Variants in CNTNAP5 observed in about 807,000 individuals in gnomAD.
CNTNAP5 encodes the protein contactin associated protein family member 5.
Under a neutral mutation model 150.2 loss-of-function variants are expected in CNTNAP5, and 72 were observed. That is an observed-to-expected ratio of 0.48 (90% CI 0.40 to 0.58). The LOEUF is 0.58. CNTNAP5 is among the 20% of genes least tolerant of loss of function. CNTNAP5 has a pLI of 0.00. For synonymous variants in CNTNAP5, 672 were observed against 619.8 expected (o/e 1.08, Z -1.25); for missense variants, 1,636 against 1,626.2 (o/e 1.01, Z -0.10).
At chr2:124,466,711 G>C (rs147027010) in intron 6 of CNTNAP5, among the ~76,000 whole-genome samples, 2 of 152,310 alleles carry the variant, frequency 1.3e-5, no homozygotes, top group African/African-American at 4.8e-5. Context: ...TGTGACAACT[G>C]TAAGTTGCCA....
Position 124,438,334 on chromosome 2 carries a change from A to G in CNTNAP5, c.733+3647A>G, listed in dbSNP as rs527496708. On this transcript the variant is annotated intron_variant, in intron 5 of 23. Transcript: ENST00000682447. ...ATGGCAGTCTGCCCTCTGCCGAATT[A>G]CAATAGTCTGAACCCATTCATGCAG... is the stretch of plus-strand genomic sequence containing the variant. Among the ~76,000 whole-genome samples the G allele has an allele frequency of 1.4e-4, 21 of 152,338 alleles. No homozygotes were observed. The East Asian group carries it at 3.7e-3, about 27-fold the overall frequency.
chr2:124,880,432 C>T lies in CNTNAP5; in HGVS notation c.3436+10670C>T, dbSNP rs1470332399. On this transcript the variant is annotated intron_variant, in intron 21 of 23. Transcript: ENST00000682447. ...TAATTCCCTTAAAATCAACTGCTGC[C>T]TACTCTAATCAACTCTAATCAATCA... is the stretch of plus-strand genomic sequence containing the variant. 2.0e-5 allele frequency among the ~76,000 whole-genome samples: 3 copies of T among 152,084 alleles called. 1 individual carries two copies. Among genetic ancestry groups the T allele is most frequent in the Non-Finnish European group, 4.4e-5 (3 of 67,992 alleles).
chr2:124,822,855 G>A (rs1008327749), intron 19 of CNTNAP5, among the ~76,000 whole-genome samples: 4 of 152,152 alleles, frequency 2.6e-5, no homozygotes, highest in African/African-American at 9.7e-5. Context: ...GACCTCAGAG[G>A]ATATTGACGT....
chr2:124,338,408 A>G (rs1406605490), intron 3 of CNTNAP5, among the ~76,000 whole-genome samples: 1 of 152,108 alleles, frequency 6.6e-6, no homozygotes, highest in African/African-American at 2.4e-5. Flanking sequence ...ACTATGTTGA[A>G]TAGGAGTGGT....
intron 3 of CNTNAP5, among the ~76,000 whole-genome samples, chr2:124,255,570 A>AAAATAAAATAAAATC (rs1687290170): frequency 2.3e-5 from 2 of 85,448 alleles, no homozygotes; most frequent in African/African-American, 9.8e-5. Flanking sequence ...AAAATAAAAT[A>AAAATAAAATAAAATC]AAATAAAATA....
At chr2:124,510,004 C>A (rs1011898830) in intron 8 of CNTNAP5, among the ~76,000 whole-genome samples, 2 of 151,888 alleles carry the variant, frequency 1.3e-5, no homozygotes, top group Non-Finnish European at 2.9e-5. Context: ...GAGTTCAAGA[C>A]CAGCCTCACC....
chr2:124,499,864 GA>G (rs2104858573), intron 7 of CNTNAP5, among the ~76,000 whole-genome samples: 1 of 152,226 alleles, frequency 6.6e-6, no homozygotes, highest in East Asian at 1.9e-4. Flanking sequence ...AAATAGATTT[GA>G]AAGAGAGATT....
chr2:124,681,177 C>T (rs1383504102), intron 13 of CNTNAP5, among the ~76,000 whole-genome samples: 1 of 149,544 alleles, frequency 6.7e-6, no homozygotes, highest in Non-Finnish European at 1.5e-5. Flanking sequence ...TGGTGGGCGC[C>T]TCTAATCCCA....
chr2:124,644,607 A>G lies in CNTNAP5; in HGVS notation c.1877-3151A>G, dbSNP rs568750487. On this transcript the variant is annotated intron_variant, in intron 12 of 23. Transcript: ENST00000682447. ...TAGAAGGAAATATAAATCTATATGA[A>G]TTAGTAAATATGGAGACCAATTTTG... 2.0e-5 allele frequency among the ~76,000 whole-genome samples: 3 copies of G among 152,328 alleles called. No individual in the cohort carries two copies. In the East Asian group the frequency reaches 5.8e-4, roughly 29 times the overall value.
intron 10 of CNTNAP5, among the ~76,000 whole-genome samples, chr2:124,549,644 T>C (rs1695587238): frequency 6.6e-6 from 1 of 152,176 alleles, no homozygotes; most frequent in African/African-American, 2.4e-5. Flanking sequence ...CTGATAGAAG[T>C]TCTAGATACC....
intron 13 of CNTNAP5, among the ~76,000 whole-genome samples, chr2:124,717,361 A>T: frequency 6.6e-6 from 1 of 152,334 alleles, no homozygotes; most frequent in East Asian, 1.9e-4. Context: ...AATACTTGAG[A>T]ATTGAATGTT....
intron 1 of CNTNAP5, among the ~76,000 whole-genome samples, chr2:124,069,600 G>A (rs1234370469): frequency 2.0e-5 from 3 of 152,102 alleles, no homozygotes; most frequent in African/African-American, 4.8e-5. Context: ...GGCCATAGGA[G>A]TGCATGCATC....
chr2:124,659,165 T>C (rs906294115), intron 13 of CNTNAP5, among the ~76,000 whole-genome samples: 53 of 152,372 alleles, frequency 3.5e-4, no homozygotes, highest in African/African-American at 1.2e-3. Flanking sequence ...AATTTCACTC[T>C]TCATAACTTT....
intron 11 of CNTNAP5, among the ~76,000 whole-genome samples, chr2:124,590,694 A>C (rs1430466027): frequency 6.6e-6 from 1 of 152,180 alleles, no homozygotes; most frequent in East Asian, 1.9e-4. Context: ...TCATGTGGTA[A>C]ATATTATATT....
At chr2:124,772,614 T>C (rs1399945095) in intron 16 of CNTNAP5, among the ~76,000 whole-genome samples, 185 bp from the exon 17 acceptor site, 1 of 152,152 alleles carries the variant, frequency 6.6e-6, no homozygotes, top group Admixed American at 6.5e-5. Context: ...AAAAACAACT[T>C]GGAACAAGTA....
At chr2:124,079,700 C>T (rs1386654031) in intron 1 of CNTNAP5, among the ~76,000 whole-genome samples, 10 of 151,958 alleles carry the variant, frequency 6.6e-5, no homozygotes, top group South Asian at 4.2e-4. Flanking sequence ...TGTGTATGTG[C>T]GTGTGTATGA....
intron 3 of CNTNAP5, among the ~76,000 whole-genome samples, chr2:124,383,801 A>T (rs1690863080): frequency 6.6e-6 from 1 of 152,188 alleles, no homozygotes; most frequent in Non-Finnish European, 1.5e-5. Context: ...TAATTGTTTC[A>T]CATGAATATA....
In CNTNAP5 at chr2:124,470,722, T is replaced by G. The variant is rs902183058; in HGVS notation, c.919-4017T>G. Among the ~76,000 whole-genome samples, 8 of 152,200 alleles carry G rather than the reference T, an allele frequency of 5.3e-5. No individual in the cohort carries two copies. The East Asian group carries it at 1.5e-3, about 29-fold the overall frequency. On this transcript the variant is annotated intron_variant, in intron 6 of 23. Transcript: ENST00000682447. ...TTGGGTTTTACATTTAAGTCTTTAATCCATCTTGAGTTGATTTTTGTATGT... is the reference window on the plus strand; with the variant it reads ...TTGGGTTTTACATTTAAGTCTTTAAGCCATCTTGAGTTGATTTTTGTATGT...
chr2:124,819,359 T>C (rs1682436784), intron 19 of CNTNAP5, among the ~76,000 whole-genome samples: 1 of 152,060 alleles, frequency 6.6e-6, no homozygotes, highest in Admixed American at 6.5e-5. Flanking sequence ...CACTACCACT[T>C]AGGACTCCTA....
Sources: allele counts gnomAD v4.1 joint callset (sites outside exome capture counted in the v4.1 genomes callset), GRCh38; gene constraint gnomAD v4.1.1; transcripts MANE v1.5; gene names NCBI Gene and HGNC (gene_info 2026-07-23, HGNC 2026-07-21).